Variants in RGS6 observed in about 807,000 individuals in gnomAD.
RGS6 encodes the protein regulator of G-protein signaling 6.
A neutral mutation model predicts 78.5 loss-of-function variants in RGS6; 30 were observed. The ratio of observed to expected loss-of-function variants is 0.38; its 90% CI spans 0.29 to 0.52. RGS6 has a LOEUF of 0.52. RGS6 is among the 20% of genes least tolerant of loss of function. RGS6 has a pLI of 0.85. For synonymous variants in RGS6, 206 were observed against 206.0 expected, an observed-to-expected ratio of 1.00 and a Z score of 0.00; for missense variants, 495 against 609.7, an observed-to-expected ratio of 0.81 and a Z score of 1.98.
At chr14:72,342,332 A>G (rs2283388) in intron 2 of RGS6, among the ~76,000 whole-genome samples, 70,716 of 151,940 alleles carry the variant, frequency 0.47, 16,803 homozygotes, top group South Asian at 0.6. Context: ...TTGGGAGGCC[A>G]AGGCAGGCAG....
At chr14:72,234,585 C>T (rs772400196) in intron 2 of RGS6, among the ~76,000 whole-genome samples, 1 of 152,104 alleles carries the variant, frequency 6.6e-6, no homozygotes, top group Non-Finnish European at 1.5e-5. Flanking sequence ...GGTTACAGAG[C>T]TGTGATCGTC....
the RGS6 span, among the ~76,000 whole-genome samples, chr14:71,887,736 G>T: frequency 6.6e-6 from 1 of 152,184 alleles, no homozygotes; most frequent in Non-Finnish European, 1.5e-5. Context: ...TGTGTGCACT[G>T]CTGAACATAG....
intron 2 of RGS6, among the ~76,000 whole-genome samples, chr14:72,145,804 G>A (rs1274692231): frequency 6.6e-6 from 1 of 152,088 alleles, no homozygotes; most frequent in African/African-American, 2.4e-5. Context: ...GATTACTCAA[G>A]TAAATGTAAA....
At chr14:71,902,724 A>T in the RGS6 span, among the ~76,000 whole-genome samples, 1 of 152,232 alleles carries the variant, frequency 6.6e-6, no homozygotes, top group Non-Finnish European at 1.5e-5. Context: ...AAATAAAAAC[A>T]TAAACTTATT....
chr14:71,940,509 C>T (rs1389554520), intron 1 of RGS6, among the ~76,000 whole-genome samples: 2 of 152,160 alleles, frequency 1.3e-5, no homozygotes, highest in Non-Finnish European at 2.9e-5. Flanking sequence ...CTATCAATTT[C>T]ACTTTTAGGA....
At chr14:72,362,236 C>A (rs1399198170) in intron 3 of RGS6, among the ~76,000 whole-genome samples, 1 of 152,088 alleles carries the variant, frequency 6.6e-6, no homozygotes, top group African/African-American at 2.4e-5. Context: ...TTTATATGAG[C>A]TATGTGCCAT....
chr14:72,168,912 T>C (rs1234778003), intron 2 of RGS6, among the ~76,000 whole-genome samples: 1 of 152,240 alleles, frequency 6.6e-6, no homozygotes, highest in African/African-American at 2.4e-5. Flanking sequence ...GGTCTCACTC[T>C]GTCATGGCTA....
chr14:72,137,996 C>T (rs1481526339), intron 2 of RGS6, among the ~76,000 whole-genome samples: 1 of 152,074 alleles, frequency 6.6e-6, no homozygotes, highest in Non-Finnish European at 1.5e-5. Context: ...ATCCAGGAGC[C>T]CCCAGCCACA....
chr14:71,870,409 A>G, the RGS6 span, among the ~76,000 whole-genome samples: 1 of 152,068 alleles, frequency 6.6e-6, no homozygotes, highest in Non-Finnish European at 1.5e-5. Context: ...GAAGGTGAAG[A>G]GGTTGTGTTT....
intron 12 of RGS6, among the ~76,000 whole-genome samples, chr14:72,487,483 A>C (rs1417726272): frequency 6.6e-6 from 1 of 152,254 alleles, no homozygotes; most frequent in Admixed American, 6.5e-5. Flanking sequence ...GTTGCTAATC[A>C]GTTCACCTTA....
intron 2 of RGS6, among the ~76,000 whole-genome samples, chr14:72,238,562 G>A (rs929723669): frequency 2.6e-5 from 4 of 152,122 alleles, no homozygotes; most frequent in African/African-American, 9.7e-5. Context: ...CTGGTCATCA[G>A]AACTTATGTA....
chr14:72,331,310 G>A (rs770676067), intron 2 of RGS6, among the ~76,000 whole-genome samples: 1 of 151,824 alleles, frequency 6.6e-6, no homozygotes, highest in Non-Finnish European at 1.5e-5. Flanking sequence ...GTGCGTAGCA[G>A]TTTGTTAGAG....
the RGS6 span, among the ~76,000 whole-genome samples, chr14:72,624,333 C>CTTTTTTTTTTTTTTTTTTTTTTT: frequency 5.1e-5 from 5 of 97,796 alleles, no homozygotes; most frequent in African/African-American, 1.5e-4. Flanking sequence ...ACCTATGTCT[C>CTTTTTTTTTTTTTTTTTTTTTTT]TTTTTTTTTT....
At chr14:72,517,420 G>A (rs539391623) in intron 14 of RGS6, among the ~76,000 whole-genome samples, 9 of 152,286 alleles carry the variant, frequency 5.9e-5, no homozygotes, top group African/African-American at 1.7e-4. Flanking sequence ...CTTAAGACCC[G>A]GTAGCTGTTG....
intron 2 of RGS6, among the ~76,000 whole-genome samples, chr14:72,113,132 A>T (rs1216085380): frequency 1.3e-5 from 2 of 149,576 alleles, no homozygotes; most frequent in African/African-American, 4.8e-5. Context: ...TCATGCTTAG[A>T]CAGTGATAAA....
chr14:72,018,397 T>A (rs2087573207), intron 2 of RGS6, among the ~76,000 whole-genome samples: 1 of 152,230 alleles, frequency 6.6e-6, no homozygotes, highest in South Asian at 2.1e-4. Context: ...TCATTTTTTC[T>A]GTAGGAATTG....
intron 2 of RGS6, among the ~76,000 whole-genome samples, chr14:72,200,311 G>A (rs527542430): frequency 2.6e-5 from 4 of 152,270 alleles, no homozygotes; most frequent in Non-Finnish European, 2.9e-5. Context: ...GTTTCCACCC[G>A]TCCGCCCTGC....
the RGS6 span, among the ~76,000 whole-genome samples, chr14:71,906,579 T>C: frequency 1.1e-4 from 17 of 152,196 alleles, no homozygotes; most frequent in African/African-American, 3.9e-4. Flanking sequence ...TTGACACCAT[T>C]CATTCTCCCC....
rs79946470 is a variant in RGS6 at position 72,479,904 on chromosome 14, C to T, written c.854+1575C>T. Among the ~76,000 whole-genome samples, 399 of 152,196 alleles carry T rather than the reference C, an allele frequency of 2.6e-3. 1 individual carries two copies. Among genetic ancestry groups the T allele is most frequent in the African/African-American group, 9.3e-3 (385 of 41,542 alleles). The stretch of plus-strand genomic sequence containing the variant: ...GGCTGTCCTAGTATACTTTGAGGGT[C>T]GGTGTGCTAGCAATGCTCATGTCTG... On this transcript the variant is annotated intron_variant, in intron 12 of 17. Coordinates refer to ENST00000553525, the MANE Select transcript of RGS6 (RefSeq NM_001204424.2).
Sources: gnomAD v4.1 joint callset for allele counts (sites outside exome capture counted in the v4.1 genomes callset) on GRCh38, gnomAD v4.1.1 for gene constraint, MANE v1.5 for transcripts, NCBI Gene and HGNC (gene_info 2026-07-23, HGNC 2026-07-21) for gene names.